KCTD7: variants seen among roughly 807,000 people sequenced by gnomAD.
KCTD7 encodes potassium channel tetramerization domain containing 7.
A neutral mutation model predicts 27.0 loss-of-function variants in KCTD7; 15 were observed. That is an observed-to-expected ratio of 0.56 (90% CI 0.37 to 0.86). The LOEUF is 0.86. Ranked by LOEUF, KCTD7 falls within the 40% of genes least tolerant of loss-of-function variation. KCTD7 has a pLI of 0.00. For synonymous variants in KCTD7, 159 were observed against 162.7 expected, an observed-to-expected ratio of 0.98 and a Z score of 0.17; for missense variants, 299 against 398.9, an observed-to-expected ratio of 0.75 and a Z score of 2.13.
At position 66,638,265 on chromosome 7, in the gene KCTD7, T is replaced by A. The variant is rs768768596; in HGVS notation, c.327T>A (p.Asn109Lys). Reference protein sequence around the residue: ...RDGTHFGDVLNFLRSGDLPPR... With the variant: ...RDGTHFGDVLKFLRSGDLPPR... ...CCTTCCTGCTTAGAGATGTGCTGAA[T>A]TTCCTGCGCTCAGGGGACCTCCCAC... The change falls in exon 3 of 4, where the codon AAT becomes AAA. Residue 109 changes from asparagine (N) to lysine (K), a missense_variant. Asn to Lys is a moderately conservative substitution (Grantham distance 94). Transcript: ENST00000639828. 5 of 1,614,222 alleles carry A rather than the reference T, an allele frequency of 3.1e-6. No individual in the cohort carries two copies. Among genetic ancestry groups the A allele is most frequent in the Non-Finnish European group, 4.2e-6 (5 of 1,180,044 alleles).
Position 66,639,957 on chromosome 7 carries a change from G to T in KCTD7, c.*725G>T. 1 of 1,249,050 alleles carries T rather than the reference G, an allele frequency of 8.0e-7. No homozygotes were observed. Among genetic ancestry groups the T allele is most frequent in the Non-Finnish European group, 1.0e-6 (1 of 998,980 alleles). The allele number at this position is 1,249,050 out of a possible 1,614,324, so 77.4% of individuals were successfully genotyped here. ...TTATCTTCCACCACCTTCCTTGCTT[G>T]CAGGGTTATCTTCTCACAGGGCTGG... On this transcript the variant is annotated 3_prime_UTR_variant, in exon 4 of 4. Coordinates refer to ENST00000639828, the MANE Select transcript of KCTD7 (RefSeq NM_153033.5).
chr7:66,633,462 C>G lies in KCTD7; in HGVS notation c.314+18C>G, dbSNP rs1263261068. 7 of 1,613,542 alleles carry G rather than the reference C, an allele frequency of 4.3e-6. No individual in the cohort carries two copies. Among genetic ancestry groups the G allele is most frequent in the Non-Finnish European group, 5.9e-6 (7 of 1,179,496 alleles). The stretch of plus-strand genomic sequence containing the variant: ...CACTTTGGGTATGTCTCTCCCTCTA[C>G]AATCAACTTTGTAGTCCTAGCAGGT... On this transcript the variant is annotated intron_variant, in intron 2 of 3. Coordinates refer to ENST00000639828, the MANE Select transcript of KCTD7 (RefSeq NM_153033.5).
At position 66,632,272 on chromosome 7, in the gene KCTD7, G is replaced by A. The variant is rs191188345; in HGVS notation, c.145-1003G>A. 2.2e-3 allele frequency among the ~76,000 whole-genome samples: 342 copies of A among 152,068 alleles called. 1 individual carries two copies. The highest frequency in any genetic ancestry group is 1.9e-3 in the Non-Finnish European group (131 of 67,996). ...GGAGGCCAAGGCGGGCGGATCATGA[G>A]GTCAGGAGATCGAGACAATCCTGGC... On this transcript the variant is annotated intron_variant, in intron 1 of 3. Transcript: ENST00000639828.
intron 2 of KCTD7, among the ~76,000 whole-genome samples, chr7:66,636,680 A>G (rs906872852): frequency 1.3e-5 from 2 of 152,210 alleles, no homozygotes; most frequent in African/African-American, 4.8e-5. Context: ...GGCTGAGGCA[A>G]GAGGACTGCT....
At chr7:66,630,060 C>T (rs1786412356) in intron 1 of KCTD7, among the ~76,000 whole-genome samples, 1 of 152,130 alleles carries the variant, frequency 6.6e-6, no homozygotes, top group Non-Finnish European at 1.5e-5. Flanking sequence ...TTGCTTGATC[C>T]CAGCAGTTAG....
intron 2 of KCTD7, among the ~76,000 whole-genome samples, chr7:66,636,628 A>G (rs1381470724): frequency 6.6e-6 from 1 of 152,010 alleles, no homozygotes; most frequent in Non-Finnish European, 1.5e-5. Context: ...TAAATAATCT[A>G]AAAAGCTGGT....
chr7:66,638,580 G>A (rs186629381), intron 3 of KCTD7, 149 bp downstream of exon 3: 1 of 968,424 alleles, frequency 1.0e-6, no homozygotes, highest in South Asian at 1.6e-5. Flanking sequence ...CAGTCACGCT[G>A]GGGAGATTCA....
At chr7:66,633,246 G>A (rs1786495028) in intron 1 of KCTD7, 29 bp from the exon 2 acceptor site, 2 of 1,613,118 alleles carry the variant, frequency 1.2e-6, no homozygotes, top group East Asian at 2.2e-5. Context: ...CCCGTTGCCT[G>A]CCTGAGAGCC....
chr7:66,639,389 C>T lies in KCTD7; in HGVS notation c.*157C>T, dbSNP rs1786661197. On this transcript the variant is annotated 3_prime_UTR_variant, in exon 4 of 4. Transcript: ENST00000639828. Reference sequence around the variant, plus strand: ...GCTCCCAGGGGACAGAGGTGTAGCTCCAATCTCCCTGACTGCACCTCAGGG... The same window carrying T: ...GCTCCCAGGGGACAGAGGTGTAGCTTCAATCTCCCTGACTGCACCTCAGGG... 1 of 1,521,734 alleles carries T rather than the reference C, an allele frequency of 6.6e-7. No individual in the cohort carries two copies. The highest frequency in any genetic ancestry group is 1.4e-5 in the African/African-American group (1 of 72,862). The allele number at this position is 1,521,734 out of a possible 1,614,324, so 94.3% of individuals were successfully genotyped here. A position where few individuals can be genotyped will look rare whatever the true frequency, so the allele number is the denominator to read the frequency against.
In KCTD7 at chr7:66,640,886, T is replaced by C; in HGVS notation, c.*1654T>C. ...GAGGACAGCCTCACTGGTATCAGAC[T>C]TACAGGACCAGATAGACAAGATGGG... On this transcript the variant is annotated 3_prime_UTR_variant, in exon 4 of 4. Transcript: ENST00000639828. 1.0e-6 allele frequency: 1 copy of C among 986,774 alleles called. No individual in the cohort carries two copies. The highest frequency in any genetic ancestry group is 1.2e-6 in the Non-Finnish European group (1 of 830,896). 61.1% of individuals were successfully genotyped at this position (986,774 alleles called of 1,614,324 possible).
chr7:66,639,710 G>C lies in KCTD7; in HGVS notation c.*478G>C. The C allele has an allele frequency of 8.0e-7, 1 of 1,247,948 alleles. No homozygotes were observed. The allele number at this position is 1,247,948 out of a possible 1,614,324, so 77.3% of individuals were successfully genotyped here. ...GATTTACCTGACCAGCCACCCCATA[G>C]CCCCTGGCTGAAGAAGAAAGAGCAT... On this transcript the variant is annotated 3_prime_UTR_variant, in exon 4 of 4. Coordinates refer to ENST00000639828, the MANE Select transcript of KCTD7 (RefSeq NM_153033.5).
rs1377242015 is a variant in KCTD7, at chr7:66,638,981, C to T, written c.619C>T (p.Leu207Phe). ...CATCACCCCCTATGAGTGTCCGCTC[C>T]TCAACTCCCTGCGATTTGAGCGGAG... Reference protein sequence around the residue: ...MPITPYECPLLNSLRFERSES... With the variant: ...MPITPYECPLFNSLRFERSES... Residue 207 changes from leucine (L) to phenylalanine (F), a missense_variant, in exon 4 of 4, where the codon CTC (leucine) becomes TTC (phenylalanine). Coordinates refer to ENST00000639828, the MANE Select transcript of KCTD7 (RefSeq NM_153033.5). 3.1e-6 allele frequency: 5 copies of T among 1,614,236 alleles called. No individual in the cohort carries two copies. The highest frequency in any genetic ancestry group is 1.3e-5 in the African/African-American group (1 of 75,056).
intron 2 of KCTD7, among the ~76,000 whole-genome samples, chr7:66,634,965 A>G (rs1360601342): frequency 1.3e-5 from 2 of 150,480 alleles, no homozygotes; most frequent in Non-Finnish European, 1.5e-5. Flanking sequence ...GCAGTGAGCC[A>G]TGATCCTACC....
Position 66,633,307 on chromosome 7 carries a change from G to T in KCTD7, c.177G>T (p.Gly59=). 1 of 1,613,794 alleles carries T rather than the reference G, an allele frequency of 6.2e-7. No homozygotes were observed. Among genetic ancestry groups the T allele is most frequent in the African/African-American group, 1.3e-5 (1 of 74,942 alleles). The stretch of plus-strand genomic sequence containing the variant: ...AGGTTGTTCCCCTTAACATCGGAGG[G>T]GCTCACTTCACTACACGCCTGTCCA... The part of the protein sequence containing the change: ...FPEVVPLNIG[G]AHFTTRLSTL... The change falls in exon 2 of 4, where the codon GGG becomes GGT. Residue 59 remains glycine (G), a synonymous_variant. Coordinates refer to ENST00000639828, the MANE Select transcript of KCTD7 (RefSeq NM_153033.5).
Position 66,641,222 on chromosome 7 carries a change from T to C in KCTD7, c.*1990T>C, listed in dbSNP as rs1786707412. Reference sequence around the variant, plus strand: ...CTGCTTGGAGGTTAGCCCCAAAACATGGCTCTTGTATTGTTCTAAGAGAAA... The same window carrying C: ...CTGCTTGGAGGTTAGCCCCAAAACACGGCTCTTGTATTGTTCTAAGAGAAA... On this transcript the variant is annotated 3_prime_UTR_variant, in exon 4 of 4. Coordinates refer to ENST00000639828, the MANE Select transcript of KCTD7 (RefSeq NM_153033.5). 1.0e-6 allele frequency: 1 copy of C among 985,432 alleles called. No individual in the cohort carries two copies. Among genetic ancestry groups the C allele is most frequent in the Non-Finnish European group, 1.2e-6 (1 of 829,936 alleles). The allele number at this position is 985,432 out of a possible 1,614,324, so 61.0% of individuals were successfully genotyped here.
intron 2 of KCTD7, among the ~76,000 whole-genome samples, chr7:66,636,964 G>A (rs1188240979): frequency 2.0e-5 from 3 of 152,178 alleles, no homozygotes; most frequent in Admixed American, 6.5e-5. Flanking sequence ...GAACTCTTCT[G>A]CATTGCTGTT....
chr7:66,633,211 G>T, intron 1 of KCTD7, 64 bp from the exon 2 acceptor site: 1 of 1,552,166 alleles, frequency 6.4e-7, no homozygotes, highest in South Asian at 1.1e-5. Flanking sequence ...AGGGATTGAA[G>T]ATGGAGCAGC....
Position 66,638,385 on chromosome 7 carries a change from C to T in KCTD7, c.447C>T (p.Gly149=), listed in dbSNP as rs767984903. Residue 149 remains glycine, a synonymous_variant, in exon 3 of 4, where the codon GGC becomes GGT. Transcript: ENST00000639828. ...TGGAGAACATGCAGCCACTGAAGGG[C>T]GAGAAGGTGCGCCAAGCGTTTCTGG... ...EQLENMQPLK[G]EKVRQAFLGL... is the part of the protein sequence containing the mutation. 11 of 1,614,080 alleles carry T rather than the reference C, an allele frequency of 6.8e-6. No homozygotes were observed. Among genetic ancestry groups the T allele is most frequent in the African/African-American group, 2.7e-5 (2 of 74,924 alleles).
At chr7:66,636,570 T>G (rs1786591545) in intron 2 of KCTD7, among the ~76,000 whole-genome samples, 1 of 151,918 alleles carries the variant, frequency 6.6e-6, no homozygotes, top group South Asian at 2.1e-4. Flanking sequence ...TGGGGTTTAC[T>G]CACTGTCTTC....
Sources: allele counts gnomAD v4.1 joint callset (sites outside exome capture counted in the v4.1 genomes callset), GRCh38; gene constraint gnomAD v4.1.1; transcripts MANE v1.5; gene names NCBI Gene and HGNC (gene_info 2026-07-23, HGNC 2026-07-21).